SLC4A4: variants seen among roughly 807,000 people sequenced by gnomAD.
The protein encoded by SLC4A4 is solute carrier family 4 member 4.
A neutral mutation model predicts 111.5 loss-of-function variants in SLC4A4; 27 were observed. That is an observed-to-expected ratio of 0.24 (90% CI 0.18 to 0.33). The LOEUF is 0.33. SLC4A4 is among the 10% of genes least tolerant of loss of function. The probability of loss-of-function intolerance (pLI) is 1.00; values close to 1 mark genes in which losing one functional copy is unlikely to be tolerated. For missense variants in SLC4A4, 909 were observed against 1,315.5 expected (o/e 0.69, Z 4.78); for synonymous variants, 443 against 463.4 (o/e 0.96, Z 0.57).
chr4:71,310,138 A>C (rs2148852458), intron 3 of SLC4A4, among the ~76,000 whole-genome samples: 1 of 152,168 alleles, frequency 6.6e-6, no homozygotes, highest in East Asian at 1.9e-4. Context: ...TAGAGAAAAA[A>C]GAATGAAAAG....
At chr4:71,080,868 C>G (rs1741976757) in intron 1 of SLC4A4, among the ~76,000 whole-genome samples, 1 of 151,978 alleles carries the variant, frequency 6.6e-6, no homozygotes, top group South Asian at 2.1e-4. Context: ...TTAAAACAGG[C>G]TCAGGTATTC....
chr4:71,422,650 G>A (rs1722660816), intron 7 of SLC4A4, among the ~76,000 whole-genome samples: 1 of 151,702 alleles, frequency 6.6e-6, no homozygotes. Context: ...TGATCAAGTG[G>A]GCTTCATCCC....
chr4:71,517,177 A>G (rs1280937552), intron 16 of SLC4A4, among the ~76,000 whole-genome samples: 1 of 152,078 alleles, frequency 6.6e-6, no homozygotes, highest in East Asian at 1.9e-4. Flanking sequence ...CTTTAAATAA[A>G]CTTCCTACCC....
At chr4:71,544,280 A>G (rs1166880202) in intron 18 of SLC4A4, among the ~76,000 whole-genome samples, 1 of 152,068 alleles carries the variant, frequency 6.6e-6, no homozygotes, top group East Asian at 1.9e-4. Context: ...GATACATAGG[A>G]CTGAGCGAGA....
At chr4:71,498,986 A>G (rs1436092758) in intron 16 of SLC4A4, among the ~76,000 whole-genome samples, 1 of 152,126 alleles carries the variant, frequency 6.6e-6, no homozygotes, top group Non-Finnish European at 1.5e-5. Flanking sequence ...GTTCTTAAAG[A>G]CACTGGGAAA....
At chr4:71,228,005 A>G (rs188139150) in intron 1 of SLC4A4, among the ~76,000 whole-genome samples, 156 of 152,306 alleles carry the variant, frequency 1.0e-3, no homozygotes, top group East Asian at 5.4e-3. Flanking sequence ...GAAATGGTCC[A>G]TTAAAAATAT....
chr4:71,091,641 G>T (rs543101890), intron 1 of SLC4A4, among the ~76,000 whole-genome samples: 3 of 152,100 alleles, frequency 2.0e-5, no homozygotes, highest in Non-Finnish European at 4.4e-5. Context: ...GCCAGCAATG[G>T]GTCATAGTCT....
chr4:71,376,032 C>T (rs749335883), intron 6 of SLC4A4, among the ~76,000 whole-genome samples: 8 of 150,018 alleles, frequency 5.3e-5, no homozygotes, highest in Non-Finnish European at 1.0e-4. Flanking sequence ...ACCAAAACTA[C>T]ATATATATAC....
At chr4:71,541,607 C>T (rs924061022) in intron 18 of SLC4A4, among the ~76,000 whole-genome samples, 15 of 152,062 alleles carry the variant, frequency 9.9e-5, no homozygotes, top group African/African-American at 3.6e-4. Flanking sequence ...GCTCGGCCTT[C>T]TCAGCTGCCT....
intron 1 of SLC4A4, among the ~76,000 whole-genome samples, chr4:71,078,804 A>C (rs1368574529): frequency 6.6e-6 from 1 of 151,786 alleles, no homozygotes; most frequent in Non-Finnish European, 1.5e-5. Flanking sequence ...TTTGTATAAC[A>C]GGTGTTTTTT....
intron 1 of SLC4A4, among the ~76,000 whole-genome samples, chr4:71,231,622 A>G (rs1389566860): frequency 1.3e-5 from 2 of 152,156 alleles, no homozygotes; most frequent in African/African-American, 2.4e-5. Context: ...TTTTATACTG[A>G]CTGGTGTGAC....
In SLC4A4 at chr4:71,216,899, C is replaced by T. The variant is rs948088350; in HGVS notation, c.-1-19677C>T. ...CCTGCTCTATGCTAAGTATCTACCA[C>T]GCAGGGTGCTTTTGTGTCTGTTATC... On this transcript the variant is annotated intron_variant, in intron 1 of 25. Transcript: ENST00000264485. Among the ~76,000 whole-genome samples the T allele has an allele frequency of 5.9e-5, 9 of 152,308 alleles. No individual in the cohort carries two copies. The South Asian group carries it at 1.2e-3, about 21-fold the overall frequency.
chr4:71,090,222 G>A (rs1289698988), intron 1 of SLC4A4, among the ~76,000 whole-genome samples: 2 of 152,178 alleles, frequency 1.3e-5, no homozygotes, highest in East Asian at 3.9e-4. Context: ...CTCCTGGTGT[G>A]CCATTTGCTA....
chr4:71,216,859 T>C (rs144986719), intron 1 of SLC4A4, among the ~76,000 whole-genome samples: 48 of 152,334 alleles, frequency 3.2e-4, no homozygotes, highest in East Asian at 3.9e-4. Context: ...CAATACTAGC[T>C]ACGTGCCTTG....
At chr4:71,442,669 G>A (rs745491846) in intron 8 of SLC4A4, among the ~76,000 whole-genome samples, 2 of 152,118 alleles carry the variant, frequency 1.3e-5, no homozygotes, top group Non-Finnish European at 1.5e-5. Flanking sequence ...GTACTGAAAG[G>A]AAACCTGAAA....
rs542243205 is a variant in SLC4A4, at chr4:71,311,043, C to T, written c.254-28327C>T. On this transcript the variant is annotated intron_variant, in intron 3 of 25. Transcript: ENST00000264485. The stretch of plus-strand genomic sequence containing the variant: ...AACAACAAAACTTAGGGGTTGCAAT[C>T]GTAGTCTCTGATAAAACAGGCTTTA... Among the ~76,000 whole-genome samples, 8 of 152,188 alleles carry T rather than the reference C, an allele frequency of 5.3e-5. No individual in the cohort carries two copies. In the East Asian group the frequency reaches 1.4e-3, roughly 26 times the overall value.
chr4:71,118,350 A>T (rs1743327930), intron 2 of SLC4A4, among the ~76,000 whole-genome samples: 1 of 152,206 alleles, frequency 6.6e-6, no homozygotes, highest in Admixed American at 6.5e-5. Context: ...CTTCGATAAT[A>T]CAAGGTCCTG....
chr4:71,462,082 T>A (rs1726885744), intron 12 of SLC4A4, among the ~76,000 whole-genome samples: 1 of 152,146 alleles, frequency 6.6e-6, no homozygotes, highest in African/African-American at 2.4e-5. Context: ...TTTCTCTCCT[T>A]CGTCTCTTAA....
At position 71,570,422 on chromosome 4, in the gene SLC4A4, T is replaced by C. The variant is rs1314359691; in HGVS notation, c.*2671T>C. The C allele has an allele frequency of 6.6e-6, 1 of 152,276 alleles. No individual in the cohort carries two copies. Among genetic ancestry groups the C allele is most frequent in the East Asian group, 1.9e-4 (1 of 5,144 alleles). The allele number at this position is 152,276 out of a possible 1,614,324, so 9.4% of individuals were successfully genotyped here. On this transcript the variant is annotated 3_prime_UTR_variant, in exon 26 of 26. Transcript: ENST00000264485. ...GTCATTACTTTCAAAGGAACAGAAGTAGTTAACCAAACTAACAAGCAAAAC... is the reference window on the plus strand; with the variant it reads ...GTCATTACTTTCAAAGGAACAGAAGCAGTTAACCAAACTAACAAGCAAAAC...
Sources: allele counts gnomAD v4.1 joint callset (sites outside exome capture counted in the v4.1 genomes callset), GRCh38; gene constraint gnomAD v4.1.1; transcripts MANE v1.5; gene names NCBI Gene and HGNC (gene_info 2026-07-23, HGNC 2026-07-21).